MARCHF11: variants seen among roughly 807,000 people sequenced by gnomAD.
MARCHF11 encodes the protein E3 ubiquitin-protein ligase MARCHF11.
In MARCHF11, 29 loss-of-function variants were observed where a neutral mutation model predicts 37.3. The observed-to-expected ratio is 0.78, with a 90% CI of 0.58 to 1.06. The LOEUF (loss-of-function observed/expected upper bound fraction) is 1.06. Ranked by LOEUF, MARCHF11 falls within the 50% of genes least tolerant of loss-of-function variation. The pLI is 0.00. For synonymous variants in MARCHF11, 233 were observed against 228.0 expected (o/e 1.02, Z -0.20); for missense variants, 482 against 533.4 (o/e 0.90, Z 0.95).
At chr5:16,081,584 G>A (rs190827528) in intron 3 of MARCHF11, among the ~76,000 whole-genome samples, 81 of 152,218 alleles carry the variant, frequency 5.3e-4, no homozygotes, top group African/African-American at 1.7e-3. Flanking sequence ...CCACTATCCC[G>A]CACTCCAGGC....
At chr5:16,146,979 G>GA (rs1737808964) in intron 2 of MARCHF11, among the ~76,000 whole-genome samples, 1 of 152,082 alleles carries the variant, frequency 6.6e-6, no homozygotes, top group African/African-American at 2.4e-5. Flanking sequence ...GAGAGATAGA[G>GA]AAACATGCTC....
At chr5:16,086,593 TC>T (rs1736702419) in intron 3 of MARCHF11, among the ~76,000 whole-genome samples, 1 of 152,200 alleles carries the variant, frequency 6.6e-6, no homozygotes, top group Non-Finnish European at 1.5e-5. Flanking sequence ...AGCACTACTA[TC>T]TCTATTTTGC....
At position 16,082,252 on chromosome 5, in the gene MARCHF11, C is replaced by T. The variant is rs564600053; in HGVS notation, c.886+8637G>A. On this transcript the variant is annotated intron_variant, in intron 3 of 3. Transcript: ENST00000332432. Reference sequence around the variant, plus strand: ...TGCTGCTTGTGTTTCAGGCTCATCACGTTGAATCAGACTCTCTCTAAATGA... The same window carrying T: ...TGCTGCTTGTGTTTCAGGCTCATCATGTTGAATCAGACTCTCTCTAAATGA... Among the ~76,000 whole-genome samples the T allele has an allele frequency of 4.6e-5, 7 of 152,306 alleles. 1 individual carries two copies. The South Asian group carries it at 1.2e-3, about 27-fold the overall frequency.
chr5:16,095,121 A>G (rs1458998819), intron 2 of MARCHF11, among the ~76,000 whole-genome samples: 1 of 152,152 alleles, frequency 6.6e-6, no homozygotes, highest in African/African-American at 2.4e-5. Context: ...GGTAACAATT[A>G]ATGGCATACA....
rs80303100 is a variant in MARCHF11, at chr5:16,096,871, C to G, written c.694-5790G>C. 2.0e-5 allele frequency among the ~76,000 whole-genome samples: 3 copies of G among 152,264 alleles called. No homozygotes were observed. The South Asian group carries it at 6.2e-4, about 32-fold the overall frequency. On this transcript the variant is annotated intron_variant, in intron 2 of 3. Coordinates refer to ENST00000332432, the MANE Select transcript of MARCHF11 (RefSeq NM_001102562.3). ...TAATAAACCTTCTCAATTTAGGAACCAATTTCCTCTCTGAAAATAGCACAT... is the reference window on the plus strand; with the variant it reads ...TAATAAACCTTCTCAATTTAGGAACGAATTTCCTCTCTGAAAATAGCACAT...
intron 2 of MARCHF11, among the ~76,000 whole-genome samples, chr5:16,142,731 G>C (rs1579408759): frequency 1.1e-5 from 1 of 90,846 alleles, no homozygotes; most frequent in African/African-American, 4.5e-5. Context: ...CGCTCTTGTT[G>C]CCTAGGCTGG....
intron 3 of MARCHF11, among the ~76,000 whole-genome samples, chr5:16,070,097 ACTT>A (rs1381666776): frequency 6.6e-6 from 1 of 152,224 alleles, no homozygotes; most frequent in African/African-American, 2.4e-5. Flanking sequence ...GTTTTTATCA[ACTT>A]CTTTTTTCAA....
At chr5:16,150,439 G>C (rs1737871623) in intron 2 of MARCHF11, among the ~76,000 whole-genome samples, 1 of 149,432 alleles carries the variant, frequency 6.7e-6, no homozygotes, top group South Asian at 2.1e-4. Context: ...AACAGGCAGG[G>C]TAAATGGCCT....
intron 2 of MARCHF11, among the ~76,000 whole-genome samples, chr5:16,123,412 A>G (rs960073634): frequency 6.6e-6 from 1 of 152,156 alleles, no homozygotes; most frequent in African/African-American, 2.4e-5. Flanking sequence ...CATAGCCCTC[A>G]GAAGGAAACA....
chr5:16,081,567 A>G (rs937704139), intron 3 of MARCHF11, among the ~76,000 whole-genome samples: 3 of 152,200 alleles, frequency 2.0e-5, no homozygotes, highest in Admixed American at 2.0e-4. Context: ...GCCTTGTTCT[A>G]TTTATACCAC....
At chr5:16,080,512 T>A (rs557388528) in intron 3 of MARCHF11, among the ~76,000 whole-genome samples, 1 of 152,298 alleles carries the variant, frequency 6.6e-6, no homozygotes, top group Admixed American at 6.5e-5. Context: ...CCACATCCAC[T>A]TGGATTCCCC....
chr5:16,179,347 T>G lies in MARCHF11; in HGVS notation c.229A>C (p.Arg77=). Residue 77 remains arginine (R), a synonymous_variant, in exon 1 of 4, where the codon AGG becomes CGG. Coordinates refer to ENST00000332432, the MANE Select transcript of MARCHF11 (RefSeq NM_001102562.3). The stretch of plus-strand genomic sequence containing the variant: ...GGAGGCGGCAGCTCGTCCGCTCCCC[T>G]GCACCGCGGGGCCACCTCCCCTAGC... ...EPLGEVAPRC[R]GADELPPPPL... 1.7e-5 allele frequency: 20 copies of G among 1,187,804 alleles called. No individual in the cohort carries two copies. The highest frequency in any genetic ancestry group is 2.0e-5 in the Non-Finnish European group (19 of 960,588). The allele number at this position is 1,187,804 out of a possible 1,614,324, so 73.6% of individuals were successfully genotyped here. A position where few individuals can be genotyped will look rare whatever the true frequency, so the allele number is the denominator to read the frequency against.
At chr5:16,160,186 T>C (rs1362424970) in intron 2 of MARCHF11, among the ~76,000 whole-genome samples, 1 of 148,666 alleles carries the variant, frequency 6.7e-6, no homozygotes, top group Non-Finnish European at 1.5e-5. Context: ...TATTTGATCA[T>C]CAATATATTA....
Position 16,126,185 on chromosome 5 carries a change from C to T in MARCHF11, c.694-35104G>A, listed in dbSNP as rs185252311. Among the ~76,000 whole-genome samples the T allele has an allele frequency of 1.3e-3, 192 of 152,136 alleles. 1 individual carries two copies. Among genetic ancestry groups the T allele is most frequent in the Non-Finnish European group, 2.0e-3 (138 of 67,988 alleles). On this transcript the variant is annotated intron_variant, in intron 2 of 3. Transcript: ENST00000332432. ...TGAAGGGATAAAGAATCCATCACTGCAACATAAACTACAAATGGTTTTAAG... is the reference window on the plus strand; with the variant it reads ...TGAAGGGATAAAGAATCCATCACTGTAACATAAACTACAAATGGTTTTAAG...
chr5:16,174,862 A>G (rs1738330391), intron 2 of MARCHF11, among the ~76,000 whole-genome samples: 2 of 152,158 alleles, frequency 1.3e-5, no homozygotes, highest in African/African-American at 4.8e-5. Context: ...GCCAGACTCC[A>G]GAAGTGGAGT....
chr5:16,161,271 C>T (rs1273382246), intron 2 of MARCHF11, among the ~76,000 whole-genome samples: 1 of 146,656 alleles, frequency 6.8e-6, no homozygotes, highest in Non-Finnish European at 1.5e-5. Flanking sequence ...TTCAGGAAAC[C>T]CAGACAAGGC....
chr5:16,112,886 C>T (rs140739705), intron 2 of MARCHF11, among the ~76,000 whole-genome samples: 79 of 152,134 alleles, frequency 5.2e-4, no homozygotes, highest in African/African-American at 1.8e-3. Flanking sequence ...TCATGGGAGC[C>T]GATGGTTTTA....
At chr5:16,122,352 T>G (rs1737324535) in intron 2 of MARCHF11, among the ~76,000 whole-genome samples, 1 of 152,190 alleles carries the variant, frequency 6.6e-6, no homozygotes, top group African/African-American at 2.4e-5. Flanking sequence ...GAGCCAGTCT[T>G]GCCATGCCAC....
At chr5:16,150,237 G>A (rs868814614) in intron 2 of MARCHF11, among the ~76,000 whole-genome samples, 5 of 149,622 alleles carry the variant, frequency 3.3e-5, no homozygotes, top group African/African-American at 1.3e-4. Flanking sequence ...AGGGACAGCA[G>A]GGAGTTATGA....
Sources: allele counts gnomAD v4.1 joint callset (sites outside exome capture counted in the v4.1 genomes callset), GRCh38; gene constraint gnomAD v4.1.1; transcripts MANE v1.5; gene names NCBI Gene and HGNC (gene_info 2026-07-23, HGNC 2026-07-21).